Variants in KDM4B observed in about 807,000 individuals in gnomAD.
The protein encoded by KDM4B is lysine-specific demethylase 4B.
In KDM4B, 32 loss-of-function variants were observed where a neutral mutation model predicts 125.2. The ratio of observed to expected loss-of-function variants is 0.26; its 90% CI spans 0.19 to 0.34. KDM4B has a LOEUF of 0.34. Among genes scored for constraint, KDM4B ranks in the 10% least tolerant of loss-of-function variants. The pLI is 1.00. For synonymous variants in KDM4B, 721 were observed against 677.9 expected, an observed-to-expected ratio of 1.06 and a Z score of -0.99; for missense variants, 1,190 against 1,577.7, an observed-to-expected ratio of 0.75 and a Z score of 4.16.
chr19:5,121,666 CT>C (rs1215483795), intron 11 of KDM4B, among the ~76,000 whole-genome samples: 1 of 152,056 alleles, frequency 6.6e-6, no homozygotes, highest in African/African-American at 2.4e-5. Context: ...AATTAAGAGA[CT>C]TTTTTTGGAA....
intron 14 of KDM4B, 67 bp from the exon 15 acceptor site, chr19:5,135,272 G>A: frequency 8.9e-7 from 1 of 1,120,242 alleles, no homozygotes; most frequent in Non-Finnish European, 1.3e-6. Context: ...CCTGAGAGAG[G>A]TCCGCGCCGC....
At chr19:5,085,156 A>G (rs891070678) in intron 9 of KDM4B, among the ~76,000 whole-genome samples, 1 of 152,196 alleles carries the variant, frequency 6.6e-6, no homozygotes, top group African/African-American at 2.4e-5. Context: ...GTTTAGAAAA[A>G]GAACAGGGGT....
At chr19:5,087,216 C>T (rs1384350336) in intron 9 of KDM4B, among the ~76,000 whole-genome samples, 11 of 152,260 alleles carry the variant, frequency 7.2e-5, no homozygotes, top group East Asian at 3.9e-4. Flanking sequence ...GATTTATTCC[C>T]GTGGGTGTCT....
At chr19:5,001,008 G>A (rs1472924300) in intron 1 of KDM4B, among the ~76,000 whole-genome samples, 1 of 151,960 alleles carries the variant, frequency 6.6e-6, no homozygotes, top group East Asian at 1.9e-4. Context: ...GCTCAAAGAA[G>A]CAGATGTGTA....
intron 11 of KDM4B, among the ~76,000 whole-genome samples, chr19:5,120,075 G>A (rs1401368461): frequency 1.3e-5 from 2 of 152,224 alleles, no homozygotes; most frequent in Non-Finnish European, 2.9e-5. Flanking sequence ...AGTTACGAGA[G>A]GCCAGGCGCA....
chr19:5,015,125 A>G (rs1735170321), intron 1 of KDM4B, among the ~76,000 whole-genome samples: 1 of 152,164 alleles, frequency 6.6e-6, no homozygotes, highest in Non-Finnish European at 1.5e-5. Context: ...AGCAGAAGGA[A>G]GCAGAGGGCA....
chr19:5,005,376 G>T (rs62114286), intron 1 of KDM4B, among the ~76,000 whole-genome samples: 38,466 of 152,146 alleles, frequency 0.25, 6,362 homozygotes, highest in East Asian at 0.69. Context: ...GTTCCTCCAT[G>T]GCCTCTGTGA....
chr19:5,055,962 C>G (rs547871493), intron 6 of KDM4B, among the ~76,000 whole-genome samples: 1 of 152,300 alleles, frequency 6.6e-6, no homozygotes, highest in East Asian at 1.9e-4. Context: ...GATCCATTCT[C>G]CAGATTTCCT....
rs190612995 is a variant in KDM4B at position 5,139,636 on chromosome 19, G to A, written c.2550+1566G>A. ...GCCCTAGCAGGTGCGAGGTGGTCTCGCTATGGTTTGATTTGTGTTCTCCTG... is the reference window on the plus strand; with the variant it reads ...GCCCTAGCAGGTGCGAGGTGGTCTCACTATGGTTTGATTTGTGTTCTCCTG... On this transcript the variant is annotated intron_variant, in intron 18 of 22. Transcript: ENST00000159111. Among the ~76,000 whole-genome samples, 8 of 152,334 alleles carry A rather than the reference G, an allele frequency of 5.3e-5. No homozygotes were observed. In the East Asian group the frequency reaches 7.7e-4, roughly 15 times the overall value.
chr19:5,137,041 A>G (rs1444038495), intron 15 of KDM4B, among the ~76,000 whole-genome samples: 1 of 152,216 alleles, frequency 6.6e-6, no homozygotes, highest in Non-Finnish European at 1.5e-5. Flanking sequence ...CCACACAAGT[A>G]GCTTCCAGAC....
rs1599248346 is a variant in KDM4B at position 5,131,898 on chromosome 19, A to G, written c.1797A>G (p.Thr599=). The change falls in exon 13 of 23, where the codon ACA becomes ACG. Residue 599 remains threonine, a synonymous_variant. Transcript: ENST00000159111. ...GTTGTGTGTTTCAGGCACCGTCCACATTTTCCAAATTGAAGATGGAGATCA... is the reference window on the plus strand; with the variant it reads ...GTTGTGTGTTTCAGGCACCGTCCACGTTTTCCAAATTGAAGATGGAGATCA... The part of the protein sequence containing the change: ...ARAGEGQAPS[T]FSKLKMEIKK... 6.2e-7 allele frequency: 1 copy of G among 1,612,576 alleles called. No individual in the cohort carries two copies. Among genetic ancestry groups the G allele is most frequent in the Non-Finnish European group, 8.5e-7 (1 of 1,179,828 alleles).
intron 1 of KDM4B, among the ~76,000 whole-genome samples, chr19:4,989,328 TG>T (rs1386095693): frequency 1.3e-5 from 2 of 152,146 alleles, no homozygotes; most frequent in East Asian, 3.9e-4. Flanking sequence ...TCTTTTTCTT[TG>T]TTTTTTTTTG....
intron 21 of KDM4B, among the ~76,000 whole-genome samples, chr19:5,147,859 T>G (rs1209777811): frequency 6.6e-6 from 1 of 151,892 alleles, no homozygotes; most frequent in African/African-American, 2.4e-5. Flanking sequence ...AGTGCGCGCC[T>G]GCCTGCGAGG....
rs1019541944 is a variant in KDM4B, at chr19:5,119,797, G to A, written c.1260G>A (p.Glu420=). 20 of 1,543,096 alleles carry A rather than the reference G, an allele frequency of 1.3e-5. No homozygotes were observed. The highest frequency in any genetic ancestry group is 1.7e-5 in the Non-Finnish European group (19 of 1,143,730). The change falls in exon 11 of 23, where the codon GAG becomes GAA. Residue 420 remains glutamate, a synonymous_variant. Coordinates refer to ENST00000159111, the MANE Select transcript of KDM4B (RefSeq NM_015015.3). The part of the protein sequence containing the change: ...EEAGPEVDPE[E]EEEEPQPLPH... The stretch of plus-strand genomic sequence containing the variant: ...CTGGGCCGGAGGTTGACCCCGAGGA[G>A]GAGGAGGAGGAGCCGCAGCCACTGC...
chr19:5,110,541 C>T, intron 9 of KDM4B, 81 bp from the exon 10 acceptor site: 1 of 1,437,540 alleles, frequency 7.0e-7, no homozygotes, highest in Non-Finnish European at 9.7e-7. Flanking sequence ...GGGCCGTGAG[C>T]CCTACCTGCT....
intron 2 of KDM4B, among the ~76,000 whole-genome samples, chr19:5,024,613 G>A (rs968066828): frequency 2.0e-5 from 3 of 151,844 alleles, no homozygotes; most frequent in Non-Finnish European, 2.9e-5. Context: ...GGCCTGGCCC[G>A]TGGTGTGCAG....
At chr19:5,023,287 C>T (rs182209382) in intron 2 of KDM4B, among the ~76,000 whole-genome samples, 55 of 152,332 alleles carry the variant, frequency 3.6e-4, no homozygotes, top group South Asian at 4.1e-4. Flanking sequence ...CTCTTTCCTG[C>T]CTGAGGGCCC....
At chr19:5,088,372 C>T (rs542739378) in intron 9 of KDM4B, among the ~76,000 whole-genome samples, 2 of 152,266 alleles carry the variant, frequency 1.3e-5, no homozygotes, top group South Asian at 2.1e-4. Context: ...GTCTCCAACT[C>T]CCCCCGTGAT....
At position 5,126,931 on chromosome 19, in the gene KDM4B, G is replaced by A. The variant is rs182604833; in HGVS notation, c.1316-4145G>A. 8.5e-4 allele frequency among the ~76,000 whole-genome samples: 129 copies of A among 152,348 alleles called. 1 individual carries two copies. The highest frequency in any genetic ancestry group is 2.8e-3 in the African/African-American group (116 of 41,586). ...AGCCTCGGAGCAGGAACAGAGTGGT[G>A]TCCTTGGAAATGGGTGGTTTCTTGC... On this transcript the variant is annotated intron_variant, in intron 11 of 22. Transcript: ENST00000159111.
Sources: gnomAD v4.1 joint callset for allele counts (sites outside exome capture counted in the v4.1 genomes callset) on GRCh38, gnomAD v4.1.1 for gene constraint, MANE v1.5 for transcripts, NCBI Gene and HGNC (gene_info 2026-07-23, HGNC 2026-07-21) for gene names.